The following TENM3 variants were observed in gnomAD, a reference collection of about 807,000 sequenced individuals.
TENM3 encodes teneurin-3.
A neutral mutation model predicts 255.1 loss-of-function variants in TENM3; 63 were observed. The ratio of observed to expected loss-of-function variants is 0.25; its 90% CI spans 0.20 to 0.30. The LOEUF (loss-of-function observed/expected upper bound fraction) is 0.30. Among genes scored for constraint, TENM3 ranks in the 10% least tolerant of loss-of-function variants. The pLI, the probability that TENM3 is intolerant of heterozygous loss-of-function variation, is 1.00. For synonymous variants in TENM3, 1,306 were observed against 1,322.3 expected (o/e 0.99, Z 0.27); for missense variants, 2,929 against 3,461.1 (o/e 0.85, Z 3.86).
intron 12 of TENM3, among the ~76,000 whole-genome samples, chr4:182,710,753 GA>G (rs2071307171): frequency 6.6e-6 from 1 of 152,202 alleles, no homozygotes; most frequent in Non-Finnish European, 1.5e-5. Context: ...GATCATTAAA[GA>G]TGTATGAATT....
At chr4:181,965,562 A>C in the TENM3 span, among the ~76,000 whole-genome samples, 1 of 152,162 alleles carries the variant, frequency 6.6e-6, no homozygotes, top group Non-Finnish European at 1.5e-5. Context: ...TTTTAATAAG[A>C]CCACCATGCC....
intron 2 of TENM3, among the ~76,000 whole-genome samples, chr4:182,334,893 G>A (rs1272655042): frequency 6.6e-6 from 1 of 152,174 alleles, no homozygotes; most frequent in East Asian, 1.9e-4. Flanking sequence ...GTAGCAGAAA[G>A]CTTCAGCTTA....
the TENM3 span, among the ~76,000 whole-genome samples, chr4:181,843,215 TC>T: frequency 1.3e-5 from 2 of 152,208 alleles, no homozygotes; most frequent in Admixed American, 1.3e-4. Context: ...AACTATATTC[TC>T]TTTTGAAATA....
chr4:182,391,473 G>C (rs1768418996), intron 3 of TENM3, among the ~76,000 whole-genome samples: 2 of 152,138 alleles, frequency 1.3e-5, no homozygotes, highest in African/African-American at 4.8e-5. Context: ...ACTGGCCCTG[G>C]CTCTAAGGAG....
chr4:182,367,787 A>G (rs1464741892), intron 3 of TENM3, among the ~76,000 whole-genome samples: 1 of 152,222 alleles, frequency 6.6e-6, no homozygotes, highest in Non-Finnish European at 1.5e-5. Flanking sequence ...TCAAAACTCA[A>G]AAATACATGT....
At chr4:181,687,364 C>T in the TENM3 span, among the ~76,000 whole-genome samples, 1 of 152,144 alleles carries the variant, frequency 6.6e-6, no homozygotes, top group Admixed American at 6.6e-5. Flanking sequence ...TCAAAATTAG[C>T]TTGGCTGAAA....
At chr4:181,915,044 C>G in the TENM3 span, among the ~76,000 whole-genome samples, 1 of 152,142 alleles carries the variant, frequency 6.6e-6, no homozygotes, top group African/African-American at 2.4e-5. Flanking sequence ...TTTTCCCAGT[C>G]TCCTGCTTTT....
chr4:182,288,155 C>T (rs747614607), intron 1 of TENM3, among the ~76,000 whole-genome samples: 132 of 152,164 alleles, frequency 8.7e-4, no homozygotes, highest in Non-Finnish European at 9.1e-4. Flanking sequence ...AGGCTGGTCT[C>T]GAACTCCCGA....
chr4:181,828,480 G>A, the TENM3 span, among the ~76,000 whole-genome samples: 2 of 152,160 alleles, frequency 1.3e-5, no homozygotes, highest in East Asian at 3.9e-4. Context: ...GATTCTATTC[G>A]ATCAATGCTG....
At chr4:181,938,146 G>C in the TENM3 span, among the ~76,000 whole-genome samples, 1 of 152,294 alleles carries the variant, frequency 6.6e-6, no homozygotes, top group East Asian at 1.9e-4. Flanking sequence ...GCTACATGTG[G>C]CTAAGCTTAT....
intron 1 of TENM3, among the ~76,000 whole-genome samples, chr4:182,227,896 G>T (rs1179638854): frequency 6.6e-6 from 1 of 152,070 alleles, no homozygotes; most frequent in Non-Finnish European, 1.5e-5. Context: ...GGGTGGAGCG[G>T]CAGAGAGGGA....
At chr4:182,643,377 C>A (rs1432209723) in intron 5 of TENM3, among the ~76,000 whole-genome samples, 1 of 152,146 alleles carries the variant, frequency 6.6e-6, no homozygotes, top group Non-Finnish European at 1.5e-5. Context: ...AAATCAAGAA[C>A]AACATCGGTA....
At chr4:182,246,915 A>T (rs559163958) in intron 1 of TENM3, among the ~76,000 whole-genome samples, 1 of 152,282 alleles carries the variant, frequency 6.6e-6, no homozygotes, top group African/African-American at 2.4e-5. Context: ...TGAGGTAGTG[A>T]CTGGGAGTGG....
intron 1 of TENM3, among the ~76,000 whole-genome samples, chr4:182,222,430 G>C (rs1206622629): frequency 6.6e-6 from 1 of 152,206 alleles, no homozygotes; most frequent in Non-Finnish European, 1.5e-5. Flanking sequence ...ACTGGTCAGT[G>C]ATTCTGTGTG....
chr4:182,753,354 C>T (rs1034757997), intron 20 of TENM3, 96 bp from the exon 21 acceptor site: 1 of 1,046,068 alleles, frequency 9.6e-7, no homozygotes, highest in East Asian at 2.4e-5. Flanking sequence ...CGTGTTGTCA[C>T]TGGGGTTAAA....
At chr4:182,651,589 C>T (rs1192080615) in intron 5 of TENM3, among the ~76,000 whole-genome samples, 4 of 151,956 alleles carry the variant, frequency 2.6e-5, no homozygotes, top group African/African-American at 7.3e-5. Flanking sequence ...CCCAGCTACT[C>T]GGGAGGCTGA....
chr4:182,243,946 C>CTTTTTTTTTTTTTTT (rs967487689), intron 1 of TENM3, among the ~76,000 whole-genome samples: 1 of 72,914 alleles, frequency 1.4e-5, no homozygotes, highest in African/African-American at 5.7e-5. Context: ...TTTGTGTTTT[C>CTTTTTTTTTTTTTTT]TTTTTTTTTT....
the TENM3 span, among the ~76,000 whole-genome samples, chr4:181,710,067 G>T: frequency 7.1e-4 from 108 of 152,198 alleles, 1 homozygote; most frequent in Middle Eastern, 3.4e-3. Context: ...AGTTAAGCTC[G>T]GGGACATGCT....
the TENM3 span, among the ~76,000 whole-genome samples, chr4:182,045,539 A>G: frequency 6.6e-6 from 1 of 152,140 alleles, no homozygotes; most frequent in Non-Finnish European, 1.5e-5. Context: ...GGGTGAATTG[A>G]AGTTGAATCG....
Sources: gnomAD v4.1 joint callset for allele counts (sites outside exome capture counted in the v4.1 genomes callset) on GRCh38, gnomAD v4.1.1 for gene constraint, MANE v1.5 for transcripts, NCBI Gene and HGNC (gene_info 2026-07-23, HGNC 2026-07-21) for gene names.